TANGO6: variants seen among roughly 807,000 people sequenced by gnomAD.
TANGO6 encodes transport and Golgi organization protein 6 homolog.
A neutral mutation model predicts 114.2 loss-of-function variants in TANGO6; 90 were observed. The ratio of observed to expected loss-of-function variants is 0.79; its 90% confidence interval spans 0.66 to 0.94. TANGO6 has a LOEUF of 0.94. TANGO6 is among the 40% of genes least tolerant of loss of function. TANGO6 has a pLI of 0.00. For synonymous variants in TANGO6, 477 were observed against 509.8 expected, an observed-to-expected ratio of 0.94 and a Z score of 0.87; for missense variants, 1,274 against 1,315.3, an observed-to-expected ratio of 0.97 and a Z score of 0.49.
chr16:68,978,212 C>T (rs772133402), intron 15 of TANGO6, among the ~76,000 whole-genome samples: 1 of 152,030 alleles, frequency 6.6e-6, no homozygotes, highest in African/African-American at 2.4e-5. Context: ...TCTGGTAGAC[C>T]GCTACCTTTG....
intron 14 of TANGO6, among the ~76,000 whole-genome samples, chr16:68,957,415 TG>T (rs1263457049): frequency 0.025 from 3,624 of 145,638 alleles, 151 homozygotes; most frequent in African/African-American, 0.091. Flanking sequence ...TTTTTTTTTT[TG>T]AGACAGTGTC....
At chr16:68,954,820 T>A (rs1270314137) in intron 14 of TANGO6, among the ~76,000 whole-genome samples, 1 of 152,208 alleles carries the variant, frequency 6.6e-6, no homozygotes, top group African/African-American at 2.4e-5. Flanking sequence ...TTTTAAGTAA[T>A]TTTTTAGCGG....
chr16:68,875,108 G>A (rs747427537), intron 4 of TANGO6, 46 bp from the exon 5 acceptor site: 1 of 1,559,868 alleles, frequency 6.4e-7, no homozygotes, highest in Non-Finnish European at 8.8e-7. Context: ...GGGACCTTCT[G>A]TGGGGAATTG....
intron 13 of TANGO6, among the ~76,000 whole-genome samples, chr16:68,928,785 C>G (rs1229551072): frequency 6.6e-6 from 1 of 152,160 alleles, no homozygotes; most frequent in Non-Finnish European, 1.5e-5. Flanking sequence ...ATAAATAGGT[C>G]TGCTTCAACA....
chr16:68,940,181 T>C (rs1963338617), intron 14 of TANGO6, among the ~76,000 whole-genome samples: 1 of 151,468 alleles, frequency 6.6e-6, no homozygotes, highest in South Asian at 2.1e-4. Flanking sequence ...CTTCCTTCCT[T>C]CCTTCTTTTC....
chr16:68,976,847 A>G (rs1963769749), intron 15 of TANGO6, among the ~76,000 whole-genome samples: 1 of 152,202 alleles, frequency 6.6e-6, no homozygotes, highest in African/African-American at 2.4e-5. Flanking sequence ...TAACAGTGCC[A>G]CACTTCTTTT....
chr16:68,902,487 C>T lies in TANGO6; in HGVS notation c.1650C>T (p.Thr550=), dbSNP rs1962798882. 1.2e-6 allele frequency: 2 copies of T among 1,611,864 alleles called. No individual in the cohort carries two copies. The highest frequency in any genetic ancestry group is 1.7e-6 in the Non-Finnish European group (2 of 1,179,030). ...RVATQGGIMI[T]IKEAISDEDE... ...CCACTCAAGGTGGCATTATGATTAC[C>T]ATCAAAGAGGCCATTAGGTGAGTCC... The change falls in exon 9 of 18, where the codon ACC becomes ACT. Residue 550 remains threonine, a synonymous_variant. Transcript: ENST00000261778.
At chr16:68,900,637 C>A in intron 8 of TANGO6, 91 bp downstream of exon 8, 3 of 1,042,266 alleles carry the variant, frequency 2.9e-6, no homozygotes, top group Non-Finnish European at 4.3e-6. Flanking sequence ...ATATTTGCCA[C>A]TTTGAAATTA....
intron 7 of TANGO6, among the ~76,000 whole-genome samples, chr16:68,896,263 T>TCC (rs1962702742): frequency 1.3e-5 from 2 of 152,058 alleles, no homozygotes; most frequent in Non-Finnish European, 2.9e-5. Context: ...CTCCTGAGCC[T>TCC]CCCAAAGTGC....
At chr16:68,907,629 AC>A (rs1453983933) in intron 10 of TANGO6, 54 bp downstream of exon 10, 1 of 1,522,590 alleles carries the variant, frequency 6.6e-7, no homozygotes, top group South Asian at 1.3e-5. Flanking sequence ...GTTCCAGGAA[AC>A]CCTTAGAATT....
At chr16:69,010,975 C>T (rs1444317546) in intron 15 of TANGO6, among the ~76,000 whole-genome samples, 9 of 152,128 alleles carry the variant, frequency 5.9e-5, no homozygotes, top group Admixed American at 2.0e-4. Flanking sequence ...CCAGGATCCA[C>T]GTTATAATCA....
chr16:68,995,259 A>C (rs1963981126), intron 15 of TANGO6, among the ~76,000 whole-genome samples: 1 of 152,216 alleles, frequency 6.6e-6, no homozygotes. Flanking sequence ...CCTCTTGGTT[A>C]TATTACCTTA....
At chr16:68,946,267 C>T (rs953953281) in intron 14 of TANGO6, among the ~76,000 whole-genome samples, 17 of 151,894 alleles carry the variant, frequency 1.1e-4, no homozygotes, top group South Asian at 1.0e-3. Flanking sequence ...TCTCGGCTCA[C>T]TGCAAGCTCC....
intron 14 of TANGO6, among the ~76,000 whole-genome samples, chr16:68,934,933 A>C (rs1321581889): frequency 1.3e-5 from 2 of 152,098 alleles, no homozygotes; most frequent in African/African-American, 4.8e-5. Context: ...TTGGTGTGCA[A>C]ATCAGTTACT....
At chr16:68,849,671 TGAAAAG>T (rs1961870217) in intron 1 of TANGO6, among the ~76,000 whole-genome samples, 1 of 151,222 alleles carries the variant, frequency 6.6e-6, no homozygotes, top group African/African-American at 2.4e-5. Flanking sequence ...AAAAAAAAAA[TGAAAAG>T]GAAAAAGAAA....
chr16:68,975,568 T>G (rs1963756182), intron 15 of TANGO6, among the ~76,000 whole-genome samples: 1 of 151,804 alleles, frequency 6.6e-6, no homozygotes, highest in Admixed American at 6.6e-5. Context: ...TTTTTTTTTG[T>G]TTTTTTCAAG....
At chr16:68,980,435 ATT>A (rs1291932299) in intron 15 of TANGO6, among the ~76,000 whole-genome samples, 830 of 61,540 alleles carry the variant, frequency 0.013, 16 homozygotes, top group African/African-American at 0.029. Flanking sequence ...ATATATATAT[ATT>A]TTTTTTTTTT....
chr16:68,843,663 G>T lies in TANGO6; in HGVS notation c.46G>T (p.Gly16Cys), dbSNP rs748843130. Residue 16 changes from glycine (G) to cysteine (C), a missense_variant, in exon 1 of 18, where the codon GGT (glycine) becomes TGT (cysteine). Gly to Cys is a radical substitution (Grantham distance 159, BLOSUM62 -3). This residue lies in a region of TANGO6 where 114 missense variants were observed against 104.6 expected (regional missense o/e 1.09). Coordinates refer to ENST00000261778, the MANE Select transcript of TANGO6 (RefSeq NM_024562.2). ...AVGSGAQETCGLDRILEALKL... is the reference protein window; with the variant it reads ...AVGSGAQETCCLDRILEALKL... ...GGGCAGCGGGGCTCAGGAGACATGC[G>T]GTCTGGATCGGATTTTGGAGGCATT... 12 of 1,613,654 alleles carry T rather than the reference G, an allele frequency of 7.4e-6. No individual in the cohort carries two copies. The highest frequency in any genetic ancestry group is 1.0e-5 in the Non-Finnish European group (12 of 1,179,750).
intron 14 of TANGO6, among the ~76,000 whole-genome samples, chr16:68,949,587 C>T (rs1239573927): frequency 6.6e-6 from 1 of 150,734 alleles, no homozygotes; most frequent in Non-Finnish European, 1.5e-5. Context: ...CACCATTGCA[C>T]TTTAGCTTGG....
Sources: gnomAD v4.1 joint callset for allele counts (sites outside exome capture counted in the v4.1 genomes callset) on GRCh38, gnomAD v4.1.1 for gene constraint, gnomAD v4.1.1 regional missense constraint, MANE v1.5 for transcripts, NCBI Gene and HGNC (gene_info 2026-07-23, HGNC 2026-07-21) for gene names.